Variants in RAPGEF4 observed in about 807,000 individuals in gnomAD.
The protein encoded by RAPGEF4 is Rap guanine nucleotide exchange factor 4, also known as RAP guanine-nucleotide-exchange factor (GEF) 4.
A neutral mutation model predicts 147.9 loss-of-function variants in RAPGEF4; 66 were observed. That is an observed-to-expected ratio of 0.45 (90% CI 0.37 to 0.55). The LOEUF (loss-of-function observed/expected upper bound fraction) is 0.55. Among genes scored for constraint, RAPGEF4 ranks in the 20% least tolerant of loss-of-function variants. The pLI is 0.00. For missense variants in RAPGEF4, 1,071 were observed against 1,257.3 expected (o/e 0.85, Z 2.24); for synonymous variants, 419 against 442.7 (o/e 0.95, Z 0.67).
intron 6 of RAPGEF4, among the ~76,000 whole-genome samples, chr2:172,936,787 G>A (rs116812122): frequency 1.3e-3 from 204 of 151,936 alleles, no homozygotes; most frequent in Middle Eastern, 6.8e-3. Flanking sequence ...TTCTTTTAAA[G>A]CAGTTGTGAT....
At chr2:172,863,189 G>A (rs544758769) in intron 4 of RAPGEF4, among the ~76,000 whole-genome samples, 6 of 152,162 alleles carry the variant, frequency 3.9e-5, no homozygotes, top group Admixed American at 6.5e-5. Flanking sequence ...GTGTGTGTGT[G>A]TTCTCTAAAA....
chr2:172,847,526 A>T (rs1692336913), intron 4 of RAPGEF4, among the ~76,000 whole-genome samples: 1 of 152,118 alleles, frequency 6.6e-6, no homozygotes, highest in South Asian at 2.1e-4. Context: ...ACTGAAGGGG[A>T]CAGGACGCAT....
At chr2:172,804,917 G>T (rs1025212966) in intron 3 of RAPGEF4, among the ~76,000 whole-genome samples, 1 of 152,194 alleles carries the variant, frequency 6.6e-6, no homozygotes, top group African/African-American at 2.4e-5. Context: ...GACTGGAATG[G>T]CTCACCTTCC....
intron 4 of RAPGEF4, among the ~76,000 whole-genome samples, chr2:172,893,446 A>C (rs1698147440): frequency 6.6e-6 from 1 of 152,220 alleles, no homozygotes; most frequent in Non-Finnish European, 1.5e-5. Flanking sequence ...TAACAACCCC[A>C]TTCCCCGTAA....
chr2:172,746,812 C>T (rs564320719), intron 1 of RAPGEF4, among the ~76,000 whole-genome samples: 8 of 152,128 alleles, frequency 5.3e-5, no homozygotes, highest in African/African-American at 1.9e-4. Flanking sequence ...AGGGTTTCAC[C>T]ATGTTGGCCA....
At chr2:172,923,575 G>C (rs1684983336) in intron 6 of RAPGEF4, among the ~76,000 whole-genome samples, 1 of 152,082 alleles carries the variant, frequency 6.6e-6, no homozygotes, top group African/African-American at 2.4e-5. Context: ...GCCAGACTTG[G>C]GTTTAAGACC....
At chr2:172,896,290 A>G (rs955161755) in intron 4 of RAPGEF4, among the ~76,000 whole-genome samples, 2 of 152,228 alleles carry the variant, frequency 1.3e-5, no homozygotes, top group Non-Finnish European at 2.9e-5. Flanking sequence ...GATTTATTTT[A>G]ATCGGCTTTT....
chr2:172,812,531 T>C (rs1382170957), intron 3 of RAPGEF4, among the ~76,000 whole-genome samples: 1 of 152,216 alleles, frequency 6.6e-6, no homozygotes, highest in Admixed American at 6.5e-5. Context: ...CTGTATTTCC[T>C]TGTGTACTGT....
At chr2:173,024,459 C>T (rs1027485183) in intron 23 of RAPGEF4, among the ~76,000 whole-genome samples, 14 of 140,528 alleles carry the variant, frequency 1.0e-4, no homozygotes, top group East Asian at 8.7e-4. Context: ...CCTCGTGATC[C>T]GCCCGCCTCG....
At chr2:172,880,100 G>A (rs1174358182) in intron 4 of RAPGEF4, among the ~76,000 whole-genome samples, 1 of 152,138 alleles carries the variant, frequency 6.6e-6, no homozygotes, top group Non-Finnish European at 1.5e-5. Context: ...AGACTGAAGG[G>A]GTGGGGGAAT....
intron 3 of RAPGEF4, among the ~76,000 whole-genome samples, chr2:172,799,379 T>G (rs1686739286): frequency 6.6e-6 from 1 of 152,142 alleles, no homozygotes; most frequent in Admixed American, 6.5e-5. Flanking sequence ...GAACAGATGC[T>G]CTTCACCACT....
At chr2:172,826,565 T>G (rs570230123) in intron 4 of RAPGEF4, among the ~76,000 whole-genome samples, 1 of 152,162 alleles carries the variant, frequency 6.6e-6, no homozygotes, top group African/African-American at 2.4e-5. Flanking sequence ...AACTTAAAAA[T>G]GGGATAAGAT....
chr2:172,825,270 A>G (rs916196527), intron 4 of RAPGEF4, among the ~76,000 whole-genome samples: 1 of 152,248 alleles, frequency 6.6e-6, no homozygotes, highest in African/African-American at 2.4e-5. Context: ...ATTTTATAAT[A>G]AAGTGTTGAA....
chr2:172,978,777 C>T lies in RAPGEF4; in HGVS notation c.1005-4719C>T, dbSNP rs1158368469. Among the ~76,000 whole-genome samples, 7 of 152,196 alleles carry T rather than the reference C, an allele frequency of 4.6e-5. No homozygotes were observed. The East Asian group carries it at 1.3e-3, about 29-fold the overall frequency. The stretch of plus-strand genomic sequence containing the variant: ...TCTTTTCTCGTCTGCTCTCTATTAT[C>T]CAGGAATTCCTAAAACTTTCTGGTC... On this transcript the variant is annotated intron_variant, in intron 10 of 30. Transcript: ENST00000397081.
At chr2:172,919,258 A>G (rs936957561) in intron 5 of RAPGEF4, among the ~76,000 whole-genome samples, 10 of 152,134 alleles carry the variant, frequency 6.6e-5, no homozygotes, top group African/African-American at 2.4e-4. Flanking sequence ...ATGTTGTTTC[A>G]AAGGGTGCCA....
chr2:172,781,337 A>G (rs932727832), intron 1 of RAPGEF4, among the ~76,000 whole-genome samples: 2 of 152,174 alleles, frequency 1.3e-5, no homozygotes, highest in African/African-American at 4.8e-5. Flanking sequence ...AAGACAGGGA[A>G]GGGCCAGGCA....
intron 3 of RAPGEF4, among the ~76,000 whole-genome samples, chr2:172,801,799 G>T (rs1416100239): frequency 6.6e-6 from 1 of 152,138 alleles, no homozygotes; most frequent in Non-Finnish European, 1.5e-5. Flanking sequence ...AATAAGGAAT[G>T]CAGGGAGGAG....
At chr2:172,858,255 A>G (rs1340456910) in intron 4 of RAPGEF4, among the ~76,000 whole-genome samples, 4 of 152,176 alleles carry the variant, frequency 2.6e-5, no homozygotes, top group Admixed American at 6.5e-5. Context: ...TATTAATTTC[A>G]TCGTATTCCT....
rs753302820 is a variant in RAPGEF4, at chr2:172,917,877, A to T, written c.517+3A>T. 2 of 1,611,806 alleles carry T rather than the reference A, an allele frequency of 1.2e-6. No homozygotes were observed. Among genetic ancestry groups the T allele is most frequent in the Admixed American group, 3.3e-5 (2 of 60,026 alleles). On this transcript the variant is annotated splice_donor_region_variant and intron_variant, in intron 5 of 30. Transcript: ENST00000397081. Reference sequence around the variant, plus strand: ...GGAAACGGGCTCTAACAATGACAGTAAGTGGAAAATGTGAACATTTTGTAT... The same window carrying T: ...GGAAACGGGCTCTAACAATGACAGTTAGTGGAAAATGTGAACATTTTGTAT...
Sources: allele counts gnomAD v4.1 joint callset (sites outside exome capture counted in the v4.1 genomes callset), GRCh38; gene constraint gnomAD v4.1.1; transcripts MANE v1.5; gene names NCBI Gene and HGNC (gene_info 2026-07-23, HGNC 2026-07-21).